KCNQ5: variants seen among roughly 807,000 people sequenced by gnomAD.
The protein encoded by KCNQ5 is potassium voltage-gated channel subfamily Q member 5, also known as potassium voltage-gated channel subfamily KQT member 5.
Under a neutral mutation model 98.2 loss-of-function variants are expected in KCNQ5, and 30 were observed. The observed-to-expected ratio is 0.31, with a 90% CI of 0.23 to 0.41. KCNQ5 has a LOEUF of 0.41. Among genes scored for constraint, KCNQ5 ranks in the 10% least tolerant of loss-of-function variants. KCNQ5 has a pLI of 1.00. For missense variants in KCNQ5, 835 were observed against 1,182.5 expected (o/e 0.71, Z 4.31); for synonymous variants, 458 against 449.4 (o/e 1.02, Z -0.24).
intron 1 of KCNQ5, chr6:72,630,399 T>C (rs2098920153): frequency 6.6e-6 from 1 of 152,182 alleles, no homozygotes; most frequent in South Asian, 2.1e-4. Flanking sequence ...AATTATAATG[T>C]TATAATCCAT....
intron 1 of KCNQ5, among the ~76,000 whole-genome samples, chr6:72,837,183 C>T (rs1290808777): frequency 6.6e-6 from 1 of 152,102 alleles, no homozygotes; most frequent in Non-Finnish European, 1.5e-5. Context: ...ATTCATTCAA[C>T]AAATTTTTGA....
At chr6:72,856,465 C>T (rs373217516) in intron 1 of KCNQ5, among the ~76,000 whole-genome samples, 92 of 65,362 alleles carry the variant, frequency 1.4e-3, no homozygotes, top group African/African-American at 3.3e-3. Context: ...CACACACACA[C>T]ATATATACAC....
intron 11 of KCNQ5, among the ~76,000 whole-genome samples, chr6:73,188,463 T>C (rs1765463402): frequency 6.6e-6 from 1 of 152,252 alleles, no homozygotes; most frequent in South Asian, 2.1e-4. Flanking sequence ...CATTAGCTAC[T>C]TTGAAGACAG....
At chr6:73,185,440 C>A (rs781265176) in intron 11 of KCNQ5, among the ~76,000 whole-genome samples, 7 of 152,162 alleles carry the variant, frequency 4.6e-5, no homozygotes, top group African/African-American at 1.7e-4. Flanking sequence ...CCTCAGCCCC[C>A]CAAAGTGCTG....
At chr6:72,716,078 C>T (rs1242527725) in intron 1 of KCNQ5, among the ~76,000 whole-genome samples, 1 of 152,140 alleles carries the variant, frequency 6.6e-6, no homozygotes, top group African/African-American at 2.4e-5. Context: ...GTTATAGTTG[C>T]ATCTTGTTCT....
At chr6:72,951,499 GTCTTGAAC>G (rs1049753871) in intron 1 of KCNQ5, among the ~76,000 whole-genome samples, 1 of 134,452 alleles carries the variant, frequency 7.4e-6, no homozygotes, top group African/African-American at 2.6e-5. Flanking sequence ...GGCCAGGTTG[GTCTTGAAC>G]TCTTGACCTC....
intron 1 of KCNQ5, among the ~76,000 whole-genome samples, chr6:72,778,447 G>A (rs1773272930): frequency 6.6e-6 from 1 of 151,918 alleles, no homozygotes; most frequent in African/African-American, 2.4e-5. Flanking sequence ...CTGAGGTGGT[G>A]GGGGTCGCTT....
chr6:73,028,394 C>T (rs918442771), intron 2 of KCNQ5, among the ~76,000 whole-genome samples: 1 of 152,192 alleles, frequency 6.6e-6, no homozygotes, highest in African/African-American at 2.4e-5. Context: ...TCCTTTACAG[C>T]TTAGGAAATT....
At chr6:72,696,272 T>C (rs1050513686) in intron 1 of KCNQ5, among the ~76,000 whole-genome samples, 1 of 152,110 alleles carries the variant, frequency 6.6e-6, no homozygotes, top group Non-Finnish European at 1.5e-5. Flanking sequence ...GCAGTGAAAA[T>C]AGCATTTTAA....
At chr6:72,645,138 G>A (rs777408459) in intron 1 of KCNQ5, among the ~76,000 whole-genome samples, 1 of 149,932 alleles carries the variant, frequency 6.7e-6, no homozygotes, top group Non-Finnish European at 1.5e-5. Context: ...AGAGGCTGAG[G>A]TGAGTGGATT....
At chr6:72,812,443 A>G (rs1460542054) in intron 1 of KCNQ5, among the ~76,000 whole-genome samples, 2 of 152,210 alleles carry the variant, frequency 1.3e-5, no homozygotes, top group Non-Finnish European at 2.9e-5. Context: ...TTGTACAGGG[A>G]GCCCATAGGG....
At chr6:72,710,995 C>G (rs1454502949) in intron 1 of KCNQ5, among the ~76,000 whole-genome samples, 1 of 151,746 alleles carries the variant, frequency 6.6e-6, no homozygotes, top group East Asian at 1.9e-4. Flanking sequence ...TCTTTTCTGA[C>G]CATAGTAGTA....
rs754195879 is a variant in KCNQ5, at chr6:73,194,967, T to C, written c.2352T>C (p.Leu784=). The C allele has an allele frequency of 1.2e-5, 20 of 1,614,072 alleles. No homozygotes were observed. Among genetic ancestry groups the C allele is most frequent in the Non-Finnish European group, 1.6e-5 (19 of 1,180,048 alleles). ...QESISDVTTC[L]VASKENVQVA... is the part of the protein sequence containing the mutation. Reference sequence around the variant, plus strand: ...GCATTTCTGACGTCACCACCTGCCTTGTTGCCTCCAAGGAAAATGTTCAGG... The same window carrying C: ...GCATTTCTGACGTCACCACCTGCCTCGTTGCCTCCAAGGAAAATGTTCAGG... Residue 784 remains leucine (L), a synonymous_variant, in exon 14 of 14, where the codon CTT becomes CTC. Coordinates refer to ENST00000370398, the MANE Select transcript of KCNQ5 (RefSeq NM_019842.4).
intron 1 of KCNQ5, among the ~76,000 whole-genome samples, chr6:72,911,111 A>G (rs1258160458): frequency 6.6e-6 from 1 of 152,194 alleles, no homozygotes; most frequent in East Asian, 1.9e-4. Context: ...CAAGAAAATG[A>G]CAAGACGAGA....
intron 7 of KCNQ5, among the ~76,000 whole-genome samples, chr6:73,118,017 C>T (rs1775578442): frequency 6.6e-6 from 1 of 152,122 alleles, no homozygotes; most frequent in Non-Finnish European, 1.5e-5. Context: ...TATAAAAAGT[C>T]CCTCAGTTTC....
chr6:72,803,952 A>T (rs2150096528), intron 1 of KCNQ5, among the ~76,000 whole-genome samples: 1 of 152,294 alleles, frequency 6.6e-6, no homozygotes, highest in East Asian at 1.9e-4. Flanking sequence ...TATAAAACAT[A>T]GACTCTTGAA....
At chr6:72,981,788 G>A (rs1768469606) in intron 1 of KCNQ5, among the ~76,000 whole-genome samples, 1 of 152,052 alleles carries the variant, frequency 6.6e-6, no homozygotes, top group Non-Finnish European at 1.5e-5. Flanking sequence ...TTTCTCTTGT[G>A]GGCATTTAGT....
intron 1 of KCNQ5, among the ~76,000 whole-genome samples, chr6:72,947,362 A>G (rs1766595404): frequency 6.6e-6 from 1 of 152,178 alleles, no homozygotes; most frequent in Non-Finnish European, 1.5e-5. Context: ...ATATTTATTC[A>G]AGCTATACTT....
At position 72,768,238 on chromosome 6, in the gene KCNQ5, G is replaced by A. The variant is rs149476232; in HGVS notation, c.398+145651G>A. ...AACCGTCAGCTGAAACCTAAAAAGA[G>A]GCTGAATACAAGGAGACCAGATGAC... On this transcript the variant is annotated intron_variant, in intron 1 of 13. Coordinates refer to ENST00000370398, the MANE Select transcript of KCNQ5 (RefSeq NM_019842.4). 4.6e-4 allele frequency among the ~76,000 whole-genome samples: 70 copies of A among 151,992 alleles called. 1 individual carries two copies. In the East Asian group the frequency reaches 0.013, roughly 27 times the overall value.
Sources: allele counts gnomAD v4.1 joint callset (sites outside exome capture counted in the v4.1 genomes callset), GRCh38; gene constraint gnomAD v4.1.1; transcripts MANE v1.5; gene names NCBI Gene and HGNC (gene_info 2026-07-23, HGNC 2026-07-21).